EXPH5: variants seen among roughly 807,000 people sequenced by gnomAD.
The protein encoded by EXPH5 is exophilin-5.
EXPH5 carries 42 observed loss-of-function variants against 41.1 expected under a neutral mutation model. That is an observed-to-expected ratio of 1.02 (90% confidence interval 0.80 to 1.32). The LOEUF (loss-of-function observed/expected upper bound fraction) is 1.32, where lower values mean the gene tolerates loss of function less well. Ranked by LOEUF, EXPH5 falls within the 40% of genes most tolerant of loss-of-function variation. The probability of loss-of-function intolerance (pLI) is 0.00; values close to 1 mark genes in which losing one functional copy is unlikely to be tolerated. For synonymous variants in EXPH5, 798 were observed against 833.5 expected (o/e 0.96, Z 0.73); for missense variants, 2,298 against 2,314.5 (o/e 0.99, Z 0.15).
intron 1 of EXPH5, among the ~76,000 whole-genome samples, chr11:108,586,374 G>T (rs1466056370): frequency 1.3e-5 from 2 of 151,792 alleles, no homozygotes; most frequent in Non-Finnish European, 1.5e-5. Flanking sequence ...CAAATAAAAC[G>T]GTAGTGTTGA....
At chr11:108,541,570 T>C in intron 2 of EXPH5, 82 bp downstream of exon 2, 1 of 846,522 alleles carries the variant, frequency 1.2e-6, no homozygotes, top group Non-Finnish European at 1.8e-6. Context: ...TTGGTTACAT[T>C]GGAGATCCAC....
At chr11:108,539,671 A>G (rs974658506) in intron 2 of EXPH5, among the ~76,000 whole-genome samples, 2 of 152,192 alleles carry the variant, frequency 1.3e-5, no homozygotes, top group African/African-American at 4.8e-5. Context: ...TGTATTTGCT[A>G]CACACATGGT....
chr11:108,598,739 C>T (rs538066220), upstream of EXPH5, among the ~76,000 whole-genome samples: 10 of 152,100 alleles, frequency 6.6e-5, no homozygotes, highest in Non-Finnish European at 1.2e-4. Flanking sequence ...AGGCTCTGGG[C>T]TGATGTCTCT....
chr11:108,589,962 A>C (rs1046390021), intron 1 of EXPH5, among the ~76,000 whole-genome samples: 2 of 152,230 alleles, frequency 1.3e-5, no homozygotes, highest in Non-Finnish European at 2.9e-5. Context: ...AGGGCCTAAT[A>C]AATGTTAGCT....
At chr11:108,556,168 G>A (rs1039428298) in intron 1 of EXPH5, among the ~76,000 whole-genome samples, 2 of 152,206 alleles carry the variant, frequency 1.3e-5, no homozygotes, top group African/African-American at 4.8e-5. Context: ...ATACAAAAAA[G>A]TGGACTGATT....
chr11:108,551,985 G>C (rs557698582), intron 1 of EXPH5: 12 of 152,118 alleles, frequency 7.9e-5, no homozygotes, highest in Non-Finnish European at 1.6e-4. Context: ...CCAAGCAAGA[G>C]CCTTTTCCAA....
rs369800946 is a variant in EXPH5 at position 108,569,658 on chromosome 11, C to T, written c.119+23760G>A. On this transcript the variant is annotated intron_variant, in intron 1 of 5. Transcript: ENST00000265843. ...CTGGCCTGAATGTACTGTTTTTAAA[C>T]CCACCTCCTTCACGGCATTGAAAGC... Among the ~76,000 whole-genome samples, 321 of 152,296 alleles carry T rather than the reference C, an allele frequency of 2.1e-3. 1 individual carries two copies. Among genetic ancestry groups the T allele is most frequent in the African/African-American group, 7.2e-3 (301 of 41,572 alleles).
chr11:108,512,191 C>T lies in EXPH5; in HGVS notation c.3316G>A (p.Gly1106Arg), dbSNP rs141832510. Residue 1106 changes from glycine (G) to arginine (R), a missense_variant, in exon 6 of 6, where the codon GGA becomes AGA. By Grantham distance (125) the Gly-to-Arg change is moderately radical. Coordinates refer to ENST00000265843, the MANE Select transcript of EXPH5 (RefSeq NM_015065.3). ...GGTCCTTTTCTAACGGAAGTAGATC[C>T]ACTGCTTTTTACATTTGTCATTCTC... ...TERMTNVKSS[G>R]STSVRKGPLP... 67 of 1,609,810 alleles carry T rather than the reference C, an allele frequency of 4.2e-5. No homozygotes were observed. In the Admixed American group the frequency reaches 7.4e-4, roughly 18 times the overall value.
rs1013713617 is a variant in EXPH5 at position 108,527,235 on chromosome 11, G to A, written c.492+901C>T. On this transcript the variant is annotated intron_variant, in intron 4 of 5. Coordinates refer to ENST00000265843, the MANE Select transcript of EXPH5 (RefSeq NM_015065.3). ...ATTGGGAGGTTAAAGCAGGGGAATC[G>A]CTTGAACTCTGGAGGCAGAGGTTGC... 3.3e-5 allele frequency among the ~76,000 whole-genome samples: 5 copies of A among 152,076 alleles called. No individual in the cohort carries two copies. In the East Asian group the frequency reaches 7.7e-4, roughly 23 times the overall value.
intron 3 of EXPH5, among the ~76,000 whole-genome samples, chr11:108,528,924 A>C (rs1468607710): frequency 1.3e-5 from 2 of 151,638 alleles, no homozygotes; most frequent in Non-Finnish European, 2.9e-5. Context: ...GCTGGTCTCG[A>C]ACTCCTGACC....
Position 108,510,258 on chromosome 11 carries a change from C to A in EXPH5, c.5249G>T (p.Arg1750Met). 1 of 1,613,916 alleles carries A rather than the reference C, an allele frequency of 6.2e-7. No individual in the cohort carries two copies. The highest frequency in any genetic ancestry group is 1.7e-5 in the Admixed American group (1 of 59,988). Residue 1750 changes from arginine (R) to methionine (M), a missense_variant, in exon 6 of 6, where the codon AGG (arginine) becomes ATG (methionine). Arg to Met is a moderately conservative substitution (Grantham distance 91, BLOSUM62 -1). Coordinates refer to ENST00000265843, the MANE Select transcript of EXPH5 (RefSeq NM_015065.3). ...CAGTGGAAAAGGAGGGCTCAGCCTC[C>A]TCTGATTGTCAGAGAATTCTGCTTC... Reference protein sequence around the residue: ...LREAEFSDNQRRLSPPFPLEP... With the variant: ...LREAEFSDNQMRLSPPFPLEP...
intron 1 of EXPH5, among the ~76,000 whole-genome samples, chr11:108,589,882 C>T (rs774926226): frequency 7.9e-5 from 12 of 152,044 alleles, no homozygotes; most frequent in Non-Finnish European, 1.5e-4. Context: ...AAAGTGTATA[C>T]CTAATGAGGT....
chr11:108,525,204 A>T (rs1041199267), intron 4 of EXPH5, among the ~76,000 whole-genome samples: 1 of 152,166 alleles, frequency 6.6e-6, no homozygotes, highest in Non-Finnish European at 1.5e-5. Context: ...TTTTCTTTAA[A>T]TTACCCAGTC....
At chr11:108,577,328 C>T (rs2136108835) in intron 1 of EXPH5, among the ~76,000 whole-genome samples, 1 of 152,290 alleles carries the variant, frequency 6.6e-6, no homozygotes, top group Admixed American at 6.5e-5. Context: ...AACTGTTATC[C>T]ATAGTGGCTG....
the EXPH5 span, among the ~76,000 whole-genome samples, chr11:108,605,547 A>G: frequency 7.2e-5 from 11 of 152,194 alleles, no homozygotes; most frequent in African/African-American, 2.7e-4. Flanking sequence ...AATATCCTAC[A>G]TTATACAGGA....
chr11:108,511,042 C>T lies in EXPH5; in HGVS notation c.4465G>A (p.Gly1489Arg), dbSNP rs749623073. 3 of 1,614,130 alleles carry T rather than the reference C, an allele frequency of 1.9e-6. No individual in the cohort carries two copies. In the Admixed American group the frequency reaches 5.0e-5, roughly 27 times the overall value. ...SQPREGRGDI[G>R]TNCQKMTNKT... ...TTAGTCATTTTTTGGCAGTTGGTTC[C>T]AATGTCCCCTCTGCCTTCCCTAGGC... Residue 1489 changes from glycine to arginine, a missense_variant, in exon 6 of 6, where the codon GGA becomes AGA. Coordinates refer to ENST00000265843, the MANE Select transcript of EXPH5 (RefSeq NM_015065.3).
At chr11:108,517,498 C>T (rs1347185433) in intron 5 of EXPH5, among the ~76,000 whole-genome samples, 1 of 152,112 alleles carries the variant, frequency 6.6e-6, no homozygotes, top group African/African-American at 2.4e-5. Context: ...AAGCTGGTGG[C>T]GACTTCAGAG....
Position 108,512,746 on chromosome 11 carries a change from T to C in EXPH5, c.2761A>G (p.Arg921Gly), listed in dbSNP as rs112224549. 1.9e-4 allele frequency: 299 copies of C among 1,613,666 alleles called. No individual in the cohort carries two copies. Among genetic ancestry groups the C allele is most frequent in the Non-Finnish European group, 1.1e-5 (13 of 1,179,938 alleles). The change falls in exon 6 of 6, where the codon AGA (arginine) becomes GGA (glycine). Residue 921 changes from arginine to glycine, a missense_variant. Coordinates refer to ENST00000265843, the MANE Select transcript of EXPH5 (RefSeq NM_015065.3). ...PSDKDPSLGE[R>G]EEKDNAGKNQ... ...TTCCCAGCATTGTCTTTTTCTTCTC[T>C]TTCTCCTAGCGATGGATCTTTGTCT...
In EXPH5 at chr11:108,576,541, T is replaced by C. The variant is rs867875198; in HGVS notation, c.119+16877A>G. 2.6e-5 allele frequency among the ~76,000 whole-genome samples: 4 copies of C among 152,324 alleles called. No individual in the cohort carries two copies. In the Middle Eastern group the frequency reaches 0.014, roughly 518 times the overall value. ...AGCTTTAAAGTGGATAGTTTTATGTTATATTAATTTAACTTCAATAAAATT... is the reference window on the plus strand; with the variant it reads ...AGCTTTAAAGTGGATAGTTTTATGTCATATTAATTTAACTTCAATAAAATT... On this transcript the variant is annotated intron_variant, in intron 1 of 5. Coordinates refer to ENST00000265843, the MANE Select transcript of EXPH5 (RefSeq NM_015065.3).
Sources: allele counts gnomAD v4.1 joint callset (sites outside exome capture counted in the v4.1 genomes callset), GRCh38; gene constraint gnomAD v4.1.1; transcripts MANE v1.5; gene names NCBI Gene and HGNC (gene_info 2026-07-23, HGNC 2026-07-21).